Variants in DLGAP2 observed in about 807,000 individuals in gnomAD.
DLGAP2 encodes the protein DLG associated protein 2.
Under a neutral mutation model 100.3 loss-of-function variants are expected in DLGAP2, and 26 were observed. The ratio of observed to expected loss-of-function variants is 0.26; its 90% CI spans 0.19 to 0.36. The LOEUF is 0.36. DLGAP2 is among the 10% of genes least tolerant of loss of function. The pLI is 1.00. For missense variants in DLGAP2, 1,858 were observed against 1,453.2 expected (o/e 1.28, Z -4.53); for synonymous variants, 886 against 630.1 (o/e 1.41, Z -6.08).
chr8:1,019,195 T>G (rs1801558636), intron 2 of DLGAP2: 1 of 152,174 alleles, frequency 6.6e-6, no homozygotes, highest in East Asian at 1.9e-4. Context: ...CTTTCACACT[T>G]GGGCACTGTG....
chr8:1,698,422 A>G (rs1283278560), intron 14 of DLGAP2, among the ~76,000 whole-genome samples: 1 of 150,634 alleles, frequency 6.6e-6, no homozygotes, highest in Non-Finnish European at 1.5e-5. Context: ...CAAGTAAGCC[A>G]TGCATGGGAG....
intron 1 of DLGAP2, among the ~76,000 whole-genome samples, chr8:802,054 ACAGTC>A (rs1796170198): frequency 8.2e-5 from 11 of 134,638 alleles, no homozygotes; most frequent in Non-Finnish European, 1.5e-4. Flanking sequence ...GGCCTGGGGA[ACAGTC>A]TGCACCCCTC....
intron 1 of DLGAP2, among the ~76,000 whole-genome samples, chr8:850,820 A>G (rs1292230001): frequency 6.6e-6 from 1 of 151,944 alleles, no homozygotes; most frequent in Non-Finnish European, 1.5e-5. Flanking sequence ...CTAAAATAAT[A>G]GTTAAAATTT....
At chr8:1,243,307 C>T (rs1378818568) in intron 2 of DLGAP2, among the ~76,000 whole-genome samples, 3 of 152,124 alleles carry the variant, frequency 2.0e-5, no homozygotes, top group Non-Finnish European at 4.4e-5. Flanking sequence ...GGAGCTGGTG[C>T]AGCTCTGCTC....
intron 6 of DLGAP2, among the ~76,000 whole-genome samples, chr8:1,578,391 T>C (rs12546094): frequency 0.6 from 90,684 of 152,054 alleles, 28,552 homozygotes; most frequent in African/African-American, 0.82. Context: ...ACCAAGTCCT[T>C]GGGAGGCTCT....
At chr8:956,680 A>G (rs137906527) in intron 2 of DLGAP2, among the ~76,000 whole-genome samples, 1 of 152,330 alleles carries the variant, frequency 6.6e-6, no homozygotes, top group East Asian at 1.9e-4. Context: ...TGTGATGGCA[A>G]AATAGCCAAA....
chr8:1,064,836 C>A (rs1361683627), intron 2 of DLGAP2, among the ~76,000 whole-genome samples: 1 of 152,168 alleles, frequency 6.6e-6, no homozygotes, highest in Non-Finnish European at 1.5e-5. Context: ...TCCGTTTCAC[C>A]CCCCTCCACC....
intron 2 of DLGAP2, among the ~76,000 whole-genome samples, chr8:1,039,973 C>A (rs35040046): frequency 7.3e-6 from 1 of 137,098 alleles, no homozygotes. Context: ...TGTGCGTGGT[C>A]GGCTCGGTGT....
intron 2 of DLGAP2, among the ~76,000 whole-genome samples, chr8:1,033,744 ACACT>A (rs1802040723): frequency 6.7e-6 from 1 of 150,100 alleles, no homozygotes; most frequent in South Asian, 2.1e-4. Flanking sequence ...GTGGGTTCAC[ACACT>A]CATCCCGACC....
chr8:750,895 C>T (rs1317906581), intron 1 of DLGAP2, among the ~76,000 whole-genome samples: 1 of 152,260 alleles, frequency 6.6e-6, no homozygotes, highest in East Asian at 1.9e-4. Context: ...CAAAAATAGA[C>T]CTGTTCCGAA....
At chr8:913,268 T>C (rs1798525692) in intron 2 of DLGAP2, among the ~76,000 whole-genome samples, 1 of 152,210 alleles carries the variant, frequency 6.6e-6, no homozygotes, top group Admixed American at 6.5e-5. Flanking sequence ...GGGACACCAT[T>C]GTTGAAATGT....
At position 1,705,707 on chromosome 8, in the gene DLGAP2, C is replaced by G. The variant is rs772794112; in HGVS notation, c.*4301C>G. On this transcript the variant is annotated 3_prime_UTR_variant, in exon 15 of 15. Transcript: ENST00000637795. The stretch of plus-strand genomic sequence containing the variant: ...ATTTCCCAGCCCTCTTCTTCTCAAG[C>G]CTGAACTTCATTTTTTTTTTTAGCT... The G allele has an allele frequency of 2.0e-5, 3 of 152,184 alleles. No homozygotes were observed. The highest frequency in any genetic ancestry group is 2.9e-5 in the Non-Finnish European group (2 of 68,028). The allele number at this position is 152,184 out of a possible 1,614,324, so 9.4% of individuals were successfully genotyped here.
intron 7 of DLGAP2, among the ~76,000 whole-genome samples, chr8:1,630,176 G>A (rs995829839): frequency 6.6e-6 from 1 of 152,164 alleles, no homozygotes; most frequent in Non-Finnish European, 1.5e-5. Context: ...ATCCTGGAAT[G>A]CTGGTAGTAA....
intron 4 of DLGAP2, among the ~76,000 whole-genome samples, chr8:1,543,968 G>T (rs1801449375): frequency 1.3e-5 from 2 of 151,800 alleles, no homozygotes; most frequent in Admixed American, 6.6e-5. Context: ...AGTGATGCAA[G>T]CTTGGCTCAC....
chr8:1,225,970 TAGAA>T (rs953243922), intron 2 of DLGAP2, among the ~76,000 whole-genome samples: 4 of 152,070 alleles, frequency 2.6e-5, no homozygotes, highest in Non-Finnish European at 5.9e-5. Flanking sequence ...TTTAATATTT[TAGAA>T]AGATATTTTT....
intron 2 of DLGAP2, among the ~76,000 whole-genome samples, chr8:1,078,466 G>A (rs1803695936): frequency 6.6e-6 from 1 of 152,118 alleles, no homozygotes; most frequent in Admixed American, 6.5e-5. Context: ...GCACATTCTG[G>A]GGATTTTTGG....
intron 1 of DLGAP2, among the ~76,000 whole-genome samples, chr8:825,777 C>T (rs572133726): frequency 2.6e-5 from 4 of 152,226 alleles, no homozygotes; most frequent in African/African-American, 9.6e-5. Flanking sequence ...GCATGCACTT[C>T]AAAATAATCA....
intron 4 of DLGAP2, among the ~76,000 whole-genome samples, chr8:1,526,490 C>T (rs915842236): frequency 2.0e-5 from 3 of 152,118 alleles, no homozygotes; most frequent in African/African-American, 7.2e-5. Flanking sequence ...AGTGCTGCCT[C>T]TTTATTTTGG....
At chr8:951,033 T>G (rs1799466672) in intron 2 of DLGAP2, among the ~76,000 whole-genome samples, 2 of 152,204 alleles carry the variant, frequency 1.3e-5, no homozygotes, top group African/African-American at 2.4e-5. Flanking sequence ...TTTGTTTATA[T>G]TTTCTTCACA....
Sources: allele counts gnomAD v4.1 joint callset (sites outside exome capture counted in the v4.1 genomes callset), GRCh38; gene constraint gnomAD v4.1.1; transcripts MANE v1.5; gene names NCBI Gene and HGNC (gene_info 2026-07-23, HGNC 2026-07-21).